The following UBE2QL1 variants were observed in gnomAD, a reference collection of about 807,000 sequenced individuals.
The protein encoded by UBE2QL1 is ubiquitin conjugating enzyme E2 QL1, also known as ubiquitin-conjugating enzyme E2Q-like protein 1.
UBE2QL1 carries 5 observed loss-of-function variants against 12.6 expected under a neutral mutation model. That is an observed-to-expected ratio of 0.40 (90% confidence interval 0.21 to 0.83). The LOEUF is 0.83. Among genes scored for constraint, UBE2QL1 ranks in the 40% least tolerant of loss-of-function variants. UBE2QL1 has a pLI of 0.37. For synonymous variants in UBE2QL1, 96 were observed against 94.5 expected (o/e 1.02, Z -0.10); for missense variants, 99 against 222.6 (o/e 0.44, Z 3.53).
chr5:6,474,676 G>A (rs189318954), intron 1 of UBE2QL1, among the ~76,000 whole-genome samples: 1 of 152,350 alleles, frequency 6.6e-6, no homozygotes, highest in African/African-American at 2.4e-5. Context: ...GGGGCCTTCA[G>A]ACTCATAGTG....
At chr5:6,470,108 A>T (rs551382024) in intron 1 of UBE2QL1, among the ~76,000 whole-genome samples, 71 of 152,300 alleles carry the variant, frequency 4.7e-4, no homozygotes, top group Admixed American at 9.8e-4. Flanking sequence ...GCTCATGGTT[A>T]TTTAGAGAGC....
intron 1 of UBE2QL1, among the ~76,000 whole-genome samples, chr5:6,465,288 G>A (rs1413780350): frequency 6.6e-6 from 1 of 152,100 alleles, no homozygotes. Context: ...CGCACAGTCA[G>A]CATTTTAGTT....
At chr5:6,483,206 C>T (rs149297126) in intron 1 of UBE2QL1, among the ~76,000 whole-genome samples, 49 of 152,224 alleles carry the variant, frequency 3.2e-4, no homozygotes, top group African/African-American at 1.1e-3. Context: ...GAGGCCGAGG[C>T]GGGTGGATCA....
intron 1 of UBE2QL1, among the ~76,000 whole-genome samples, chr5:6,490,904 C>G (rs1283714668): frequency 6.6e-6 from 1 of 152,138 alleles, no homozygotes; most frequent in Non-Finnish European, 1.5e-5. Flanking sequence ...GTCTCAGGAA[C>G]TGGGGCAGAG....
At chr5:6,453,675 G>A (rs1739454385) in intron 1 of UBE2QL1, among the ~76,000 whole-genome samples, 1 of 150,946 alleles carries the variant, frequency 6.6e-6, no homozygotes, top group South Asian at 2.1e-4. Flanking sequence ...GCCACACCAT[G>A]GTGTCACTGG....
At position 6,494,970 on chromosome 5, in the gene UBE2QL1, C is replaced by T. The variant is rs1734641256; in HGVS notation, c.*3621C>T. On this transcript the variant is annotated 3_prime_UTR_variant, in exon 2 of 2. Transcript: ENST00000399816. ...GCAAGGCAAGTGCCAAATTGCACTG[C>T]AGAAATTAAAGACATGTGCAAGTCC... 1.3e-5 allele frequency: 2 copies of T among 152,206 alleles called. No homozygotes were observed. Among genetic ancestry groups the T allele is most frequent in the South Asian group, 4.1e-4 (2 of 4,828 alleles). 9.4% of individuals were successfully genotyped at this position (152,206 alleles called of 1,614,324 possible).
intron 1 of UBE2QL1, among the ~76,000 whole-genome samples, chr5:6,456,579 T>A (rs80052617): frequency 1.1e-3 from 167 of 152,352 alleles, no homozygotes; most frequent in African/African-American, 3.6e-3. Flanking sequence ...TGTTCAGTTA[T>A]TTTCTCATTG....
intron 1 of UBE2QL1, among the ~76,000 whole-genome samples, chr5:6,468,252 T>G (rs923123629): frequency 5.9e-5 from 9 of 152,088 alleles, no homozygotes; most frequent in African/African-American, 2.2e-4. Context: ...CCCTGCCCTG[T>G]TCCCTCGCTC....
chr5:6,468,145 G>A lies in UBE2QL1; in HGVS notation c.354+18898G>A, dbSNP rs1022167646. Among the ~76,000 whole-genome samples the A allele has an allele frequency of 3.9e-5, 6 of 152,074 alleles. No homozygotes were observed. In the South Asian group the frequency reaches 1.2e-3, roughly 32 times the overall value. On this transcript the variant is annotated intron_variant, in intron 1 of 1. Transcript: ENST00000399816. The stretch of plus-strand genomic sequence containing the variant: ...CCTCCCCCGTCCCTGTTCTCATGCT[G>A]CTCCTCTGCATGTGTCCAAGGTTAA...
intron 1 of UBE2QL1, among the ~76,000 whole-genome samples, chr5:6,480,501 T>G (rs1393723926): frequency 1.3e-5 from 2 of 152,250 alleles, no homozygotes; most frequent in Non-Finnish European, 2.9e-5. Context: ...GGGATCCGGC[T>G]GCCTATGCAA....
intron 1 of UBE2QL1, among the ~76,000 whole-genome samples, chr5:6,474,178 C>T (rs1056289041): frequency 1.4e-4 from 21 of 152,230 alleles, no homozygotes; most frequent in Admixed American, 4.6e-4. Context: ...AATGATGTTG[C>T]CTGTGCACGT....
rs1218180033 is a variant in UBE2QL1, at chr5:6,492,421, T to C, written c.*1072T>C. The stretch of plus-strand genomic sequence containing the variant: ...TTGCTGTGGTGTAAACTTCCTGTTA[T>C]TTAATCTCCCCCACGGTTTCATTTT... On this transcript the variant is annotated 3_prime_UTR_variant, in exon 2 of 2. Coordinates refer to ENST00000399816, the MANE Select transcript of UBE2QL1 (RefSeq NM_001145161.3). 2 of 129,744 alleles carry C rather than the reference T, an allele frequency of 1.5e-5. No homozygotes were observed. Among genetic ancestry groups the C allele is most frequent in the East Asian group, 3.9e-4 (2 of 5,154 alleles). The allele number at this position is 129,744 out of a possible 1,614,324, so 8.0% of individuals were successfully genotyped here. A position where few individuals can be genotyped will look rare whatever the true frequency, so the allele number is the denominator to read the frequency against.
chr5:6,449,970 C>T (rs1293619036), intron 1 of UBE2QL1, among the ~76,000 whole-genome samples: 6 of 150,066 alleles, frequency 4.0e-5, no homozygotes, highest in Admixed American at 1.3e-4. Flanking sequence ...CTTGTAAATC[C>T]GCCCCCTGCC....
chr5:6,463,470 G>C (rs975955543), intron 1 of UBE2QL1, among the ~76,000 whole-genome samples: 3 of 152,084 alleles, frequency 2.0e-5, no homozygotes, highest in Middle Eastern at 3.4e-3. Flanking sequence ...TTTCTGCGTG[G>C]TGCAGACTGC....
In UBE2QL1 at chr5:6,494,838, A is replaced by G. The variant is rs1403754333; in HGVS notation, c.*3489A>G. On this transcript the variant is annotated 3_prime_UTR_variant, in exon 2 of 2. Coordinates refer to ENST00000399816, the MANE Select transcript of UBE2QL1 (RefSeq NM_001145161.3). ...TAACTAACTGGCCATCTCTCCACTCACTCAGCATTCTCCTCTTAAATGCAG... is the reference window on the plus strand; with the variant it reads ...TAACTAACTGGCCATCTCTCCACTCGCTCAGCATTCTCCTCTTAAATGCAG... 6.6e-6 allele frequency: 1 copy of G among 152,112 alleles called. No individual in the cohort carries two copies. The highest frequency in any genetic ancestry group is 1.5e-5 in the Non-Finnish European group (1 of 68,030). The allele number at this position is 152,112 out of a possible 1,614,324, so 9.4% of individuals were successfully genotyped here.
At position 6,479,046 on chromosome 5, in the gene UBE2QL1, G is replaced by C. The variant is rs1734305262; in HGVS notation, c.355-12172G>C. Reference sequence around the variant, plus strand: ...CCTTCTATCGTGTGCAGCATCAGGAGTCTGTTGGATCCCCAGTGCCTCATC... The same window carrying C: ...CCTTCTATCGTGTGCAGCATCAGGACTCTGTTGGATCCCCAGTGCCTCATC... On this transcript the variant is annotated intron_variant, in intron 1 of 1. Transcript: ENST00000399816. This position sits in a 1 kb window ranked among gnomAD's most constrained non-coding sequence, Gnocchi z 4.2. Among the ~76,000 whole-genome samples the C allele has an allele frequency of 1.3e-5, 2 of 152,130 alleles. No individual in the cohort carries two copies. Among genetic ancestry groups the C allele is most frequent in the South Asian group, 4.1e-4 (2 of 4,824 alleles).
chr5:6,468,207 T>C (rs1252900189), intron 1 of UBE2QL1, among the ~76,000 whole-genome samples: 2 of 152,210 alleles, frequency 1.3e-5, no homozygotes, highest in Non-Finnish European at 2.9e-5. Context: ...CAGCCACTGC[T>C]GTCTTGAAAA....
At chr5:6,465,135 C>T (rs780122629) in intron 1 of UBE2QL1, among the ~76,000 whole-genome samples, 13 of 151,892 alleles carry the variant, frequency 8.6e-5, no homozygotes, top group East Asian at 5.8e-4. Context: ...CACAGGTGTG[C>T]GCCACCATGC....
Position 6,493,417 on chromosome 5 carries a change from C to A in UBE2QL1, c.*2068C>A, listed in dbSNP as rs1734614672. On this transcript the variant is annotated 3_prime_UTR_variant, in exon 2 of 2. Coordinates refer to ENST00000399816, the MANE Select transcript of UBE2QL1 (RefSeq NM_001145161.3). Reference sequence around the variant, plus strand: ...GGGAAAAATATATCCAAAGGCAGGTCATTTCAGTAGTGTTTATTAGCTGAT... The same window carrying A: ...GGGAAAAATATATCCAAAGGCAGGTAATTTCAGTAGTGTTTATTAGCTGAT... The A allele has an allele frequency of 6.6e-6, 1 of 152,130 alleles. No homozygotes were observed. The highest frequency in any genetic ancestry group is 1.5e-5 in the Non-Finnish European group (1 of 68,018). The allele number at this position is 152,130 out of a possible 1,614,324, so 9.4% of individuals were successfully genotyped here.
Sources: allele counts gnomAD v4.1 joint callset (sites outside exome capture counted in the v4.1 genomes callset), GRCh38; gene constraint gnomAD v4.1.1; non-coding constraint Gnocchi (gnomAD v3.1); transcripts MANE v1.5; gene names NCBI Gene and HGNC (gene_info 2026-07-23, HGNC 2026-07-21).